Variants in BCL2L11 observed in about 807,000 individuals in gnomAD.
BCL2L11 encodes BCL2 like 11.
BCL2L11 carries 15 observed loss-of-function variants against 20.6 expected under a neutral mutation model. The ratio of observed to expected loss-of-function variants is 0.73; its 90% CI spans 0.49 to 1.12. The LOEUF is 1.12. Ranked by LOEUF, BCL2L11 falls within the 50% of genes most tolerant of loss-of-function variation. The probability of loss-of-function intolerance (pLI) is 0.00; values close to 1 mark genes in which losing one functional copy is unlikely to be tolerated. For synonymous variants in BCL2L11, 108 were observed against 92.8 expected (o/e 1.16, Z -0.94); for missense variants, 292 against 260.9 (o/e 1.12, Z -0.82).
chr2:111,142,505 CAT>C, intron 2 of BCL2L11: 1 of 798,718 alleles, frequency 1.3e-6, no homozygotes, highest in South Asian at 1.6e-5. Context: ...TATCAATAAT[CAT>C]ATCTGTGTTA....
intron 2 of BCL2L11, among the ~76,000 whole-genome samples, chr2:111,127,035 C>T (rs1047263430): frequency 1.3e-5 from 2 of 152,020 alleles, no homozygotes; most frequent in Non-Finnish European, 2.9e-5. Context: ...TCTGATTTTT[C>T]TGAAGACAAG....
intron 2 of BCL2L11, among the ~76,000 whole-genome samples, chr2:111,147,327 A>ATG (rs2076649624): frequency 4.0e-5 from 5 of 125,912 alleles, no homozygotes; most frequent in African/African-American, 1.7e-4. Context: ...AGCCTCCTGT[A>ATG]TCTCTCTCTC....
intron 3 of BCL2L11, chr2:111,153,776 C>G (rs1179282003): frequency 6.4e-7 from 1 of 1,552,030 alleles, no homozygotes; most frequent in Non-Finnish European, 8.7e-7. Context: ...TCCCGTTTTT[C>G]CAGTTAGAGA....
At chr2:111,132,049 C>G (rs1034188254) in intron 2 of BCL2L11, 1 of 152,316 alleles carries the variant, frequency 6.6e-6, no homozygotes, top group East Asian at 1.9e-4. Context: ...CACACTCCAG[C>G]TCCCAATCTG....
rs760779894 is a variant in BCL2L11, at chr2:111,147,346, T to TCTCTCTCA, written c.395-2697_395-2696insTCTCTCAC. On this transcript the variant is annotated intron_variant, in intron 2 of 3. Coordinates refer to ENST00000393256, the MANE Select transcript of BCL2L11 (RefSeq NM_138621.5). ...TCCTGTATCTCTCTCTCTCTCTCTC[T>TCTCTCTCA]CACACACACACACACACACACACAC... is the stretch of plus-strand genomic sequence containing the variant. 5.8e-3 allele frequency among the ~76,000 whole-genome samples: 795 copies of TCTCTCTCA among 137,372 alleles called. 11 individuals carry two copies. The highest frequency in any genetic ancestry group is 0.013 in the African/African-American group (466 of 34,942). The allele number at this position is 137,372 out of a possible 152,430, so 90.1% of individuals were successfully genotyped here.
intron 3 of BCL2L11, chr2:111,161,498 C>T (rs1039237212): frequency 6.5e-7 from 1 of 1,550,080 alleles, no homozygotes; most frequent in Non-Finnish European, 8.7e-7. Context: ...GCTCTGCAGA[C>T]AGCAGGTCTC....
At chr2:111,150,990 C>T (rs144569746) in intron 3 of BCL2L11, among the ~76,000 whole-genome samples, 10,840 of 152,166 alleles carry the variant, frequency 0.071, 558 homozygotes, top group Non-Finnish European at 0.11. Context: ...CTGCAACCTC[C>T]GCCTCCCAGG....
intron 3 of BCL2L11, 161 bp downstream of exon 3, chr2:111,150,308 T>C: frequency 7.1e-7 from 1 of 1,418,104 alleles, no homozygotes; most frequent in Non-Finnish European, 9.4e-7. Context: ...CCATTTTTCA[T>C]TTGTTTTATG....
chr2:111,121,030 C>T lies in BCL2L11; in HGVS notation c.-172C>T. 2.5e-6 allele frequency: 1 copy of T among 397,220 alleles called. No homozygotes were observed. The highest frequency in any genetic ancestry group is 3.8e-5 in the South Asian group (1 of 26,626). 24.6% of individuals were successfully genotyped at this position (397,220 alleles called of 1,614,324 possible). Reference sequence around the variant, plus strand: ...CCGCCGCCGCCGCCGCCACTACCACCACTTGATTCTTGCAGCCACCCTGCG... The same window carrying T: ...CCGCCGCCGCCGCCGCCACTACCACTACTTGATTCTTGCAGCCACCCTGCG... On this transcript the variant is annotated 5_prime_UTR_variant, in exon 1 of 4. Transcript: ENST00000393256.
chr2:111,135,509 A>G (rs913493634), intron 2 of BCL2L11, among the ~76,000 whole-genome samples: 46 of 152,036 alleles, frequency 3.0e-4, no homozygotes, highest in South Asian at 1.9e-3. Flanking sequence ...GTCAGAACTC[A>G]GCTTCCCTCT....
intron 3 of BCL2L11, among the ~76,000 whole-genome samples, chr2:111,160,095 C>T (rs1201956045): frequency 6.6e-6 from 1 of 152,202 alleles, no homozygotes; most frequent in Non-Finnish European, 1.5e-5. Flanking sequence ...ATTATCTTTA[C>T]TGAACTGCTG....
In BCL2L11 at chr2:111,164,119, T is replaced by G. The variant is rs962161667; in HGVS notation, c.499-14T>G. 8.2e-7 allele frequency: 1 copy of G among 1,223,844 alleles called. No individual in the cohort carries two copies. Among genetic ancestry groups the G allele is most frequent in the Non-Finnish European group, 1.1e-6 (1 of 874,900 alleles). The allele number at this position is 1,223,844 out of a possible 1,614,324, so 75.8% of individuals were successfully genotyped here. A position where few individuals can be genotyped will look rare whatever the true frequency, so the allele number is the denominator to read the frequency against. Reference sequence around the variant, plus strand: ...TTAGGGAGAAACTAAGAAGCTTTCCTTTTGTTGTTTCAGGTATTTTTGAAT... The same window carrying G: ...TTAGGGAGAAACTAAGAAGCTTTCCGTTTGTTGTTTCAGGTATTTTTGAAT... On this transcript the variant is annotated splice_polypyrimidine_tract_variant and intron_variant, in intron 3 of 3. Coordinates refer to ENST00000393256, the MANE Select transcript of BCL2L11 (RefSeq NM_138621.5).
In BCL2L11 at chr2:111,123,934, G is replaced by C; in HGVS notation, c.189G>C (p.Pro63=). 6.2e-7 allele frequency: 1 copy of C among 1,613,994 alleles called. No homozygotes were observed. Among genetic ancestry groups the C allele is most frequent in the Non-Finnish European group, 8.5e-7 (1 of 1,179,922 alleles). Residue 63 remains proline (P), a synonymous_variant, in exon 2 of 4, where the codon CCG becomes CCC. Transcript: ENST00000393256. ...GCCCCCACGGCAGCCCTCAGGGCCC[G>C]CTGGCCCCACCTGCCAGCCCTGGCC... ...DSCPHGSPQG[P]LAPPASPGPF...
At chr2:111,140,331 A>G (rs1211482873) in intron 2 of BCL2L11, among the ~76,000 whole-genome samples, 3 of 152,232 alleles carry the variant, frequency 2.0e-5, no homozygotes, top group African/African-American at 7.2e-5. Context: ...TAAGGATTTC[A>G]GCTATTTGAA....
chr2:111,134,536 T>G (rs1189051997), intron 2 of BCL2L11, among the ~76,000 whole-genome samples: 1 of 152,230 alleles, frequency 6.6e-6, no homozygotes, highest in Non-Finnish European at 1.5e-5. Flanking sequence ...GGTATTGTTA[T>G]TTTTGCTTCA....
intron 1 of BCL2L11, among the ~76,000 whole-genome samples, chr2:111,121,493 GCGTGCCTTT>G (rs1006492701): frequency 4.3e-4 from 65 of 152,350 alleles, no homozygotes; most frequent in African/African-American, 1.5e-3. Flanking sequence ...GAGAGGCAGC[GCGTGCCTTT>G]CGGCGCCGGC....
At chr2:111,160,169 TCTC>T (rs1460642447) in intron 3 of BCL2L11, among the ~76,000 whole-genome samples, 1 of 152,224 alleles carries the variant, frequency 6.6e-6, no homozygotes, top group African/African-American at 2.4e-5. Flanking sequence ...CACTGCCCAT[TCTC>T]CTCTTGTCCT....
intron 3 of BCL2L11, chr2:111,150,352 T>TA (rs1273952090): frequency 9.6e-7 from 1 of 1,042,972 alleles, no homozygotes; most frequent in African/African-American, 1.6e-5. Flanking sequence ...AATAATACAG[T>TA]AGGAGGCAGC....
intron 3 of BCL2L11, among the ~76,000 whole-genome samples, chr2:111,161,023 T>C (rs1023734519): frequency 2.0e-5 from 3 of 152,208 alleles, no homozygotes; most frequent in African/African-American, 7.2e-5. Flanking sequence ...CCTCCAGACC[T>C]GTAGATGCTG....
Sources: allele counts gnomAD v4.1 joint callset (sites outside exome capture counted in the v4.1 genomes callset), GRCh38; gene constraint gnomAD v4.1.1; transcripts MANE v1.5; gene names NCBI Gene and HGNC (gene_info 2026-07-23, HGNC 2026-07-21).